Variants in SLC4A7 observed in about 807,000 individuals in gnomAD.
The protein encoded by SLC4A7 is sodium bicarbonate cotransporter 3.
In SLC4A7, 51 loss-of-function variants were observed where a neutral mutation model predicts 137.6. That is an observed-to-expected ratio of 0.37 (90% CI 0.30 to 0.47). The LOEUF is 0.47. Ranked by LOEUF, SLC4A7 falls within the 20% of genes least tolerant of loss-of-function variation. The probability of loss-of-function intolerance (pLI) is 1.00; values close to 1 mark genes in which losing one functional copy is unlikely to be tolerated. For missense variants in SLC4A7, 1,247 were observed against 1,525.4 expected, an observed-to-expected ratio of 0.82 and a Z score of 3.04; for synonymous variants, 542 against 518.6, an observed-to-expected ratio of 1.05 and a Z score of -0.61.
chr3:27,474,399 A>T (rs1288730515), intron 1 of SLC4A7, among the ~76,000 whole-genome samples: 3 of 152,224 alleles, frequency 2.0e-5, no homozygotes, highest in African/African-American at 7.2e-5. Flanking sequence ...TATTCTTAAA[A>T]GGAGAGATAT....
intron 1 of SLC4A7, among the ~76,000 whole-genome samples, chr3:27,464,321 T>C (rs2058857156): frequency 6.6e-6 from 1 of 152,216 alleles, no homozygotes; most frequent in Admixed American, 6.5e-5. Flanking sequence ...TCTAGAGAGA[T>C]TAAAGATCTA....
chr3:27,407,890 A>G (rs1391609644), intron 13 of SLC4A7, among the ~76,000 whole-genome samples: 5 of 151,764 alleles, frequency 3.3e-5, no homozygotes, highest in Admixed American at 3.3e-4. Context: ...ACGATTCCCA[A>G]TCTTTACATT....
chr3:27,386,583 T>C (rs750081299), intron 22 of SLC4A7, among the ~76,000 whole-genome samples: 13 of 152,168 alleles, frequency 8.5e-5, no homozygotes, highest in Non-Finnish European at 1.9e-4. Context: ...TTATGACTTT[T>C]GTTTATGCAT....
chr3:27,434,073 G>A lies in SLC4A7; in HGVS notation c.621C>T (p.Gly207=). 6.2e-7 allele frequency: 1 copy of A among 1,612,460 alleles called. No homozygotes were observed. Among genetic ancestry groups the A allele is most frequent in the South Asian group, 1.1e-5 (1 of 90,872 alleles). ...DMVLDNMIAS[G]QLDESIRENV... is the part of the protein sequence containing the mutation. ...TCTCTCGTATGGACTCGTCTAATTG[G>A]CCAGAAGCTATCATGTTGTCTAATA... The change falls in exon 6 of 26, where the codon GGC becomes GGT. Residue 207 remains glycine, a synonymous_variant. Transcript: ENST00000454389.
At chr3:27,436,722 A>C (rs2056766048) in intron 4 of SLC4A7, among the ~76,000 whole-genome samples, 174 bp from the exon 5 acceptor site, 1 of 152,062 alleles carries the variant, frequency 6.6e-6, no homozygotes, top group Admixed American at 6.6e-5. Flanking sequence ...TATAGTCACA[A>C]ATTTCCTTTG....
chr3:27,412,770 A>C (rs1175767823), intron 11 of SLC4A7, among the ~76,000 whole-genome samples: 1 of 152,166 alleles, frequency 6.6e-6, no homozygotes, highest in Non-Finnish European at 1.5e-5. Flanking sequence ...GAATTGATTA[A>C]AAATAATGGC....
chr3:27,420,748 T>G lies in SLC4A7; in HGVS notation c.1464A>C (p.Pro488=), dbSNP rs2054883586. The G allele has an allele frequency of 6.2e-7, 1 of 1,613,640 alleles. No homozygotes were observed. Among genetic ancestry groups the G allele is most frequent in the Non-Finnish European group, 8.5e-7 (1 of 1,179,798 alleles). Reference sequence around the variant, plus strand: ...TTGATCGTCCAATTTCATGGTACTGTGGTGCCTTGCCCGCTGGACCCAATA... The same window carrying G: ...TTGATCGTCCAATTTCATGGTACTGGGGTGCCTTGCCCGCTGGACCCAATA... ...FLLLGPAGKA[P]QYHEIGRSIA... is the part of the protein sequence containing the mutation. Residue 488 remains proline (P), a synonymous_variant, in exon 10 of 26, where the codon CCA becomes CCC. Coordinates refer to ENST00000454389, the MANE Select transcript of SLC4A7 (RefSeq NM_001321103.2).
chr3:27,448,853 T>G lies in SLC4A7; in HGVS notation c.143-56A>C, dbSNP rs1226986758. ...CTTTCCAAAAGAGAAAAAAGTGATA[T>G]ATACAAAAGTACTCCAAAATCTACT... is the stretch of plus-strand genomic sequence containing the variant. On this transcript the variant is annotated intron_variant, in intron 2 of 25. Coordinates refer to ENST00000454389, the MANE Select transcript of SLC4A7 (RefSeq NM_001321103.2). 4.5e-6 allele frequency: 6 copies of G among 1,319,126 alleles called. No individual in the cohort carries two copies. The African/African-American group carries it at 9.0e-5, about 20-fold the overall frequency. 81.7% of individuals were successfully genotyped at this position (1,319,126 alleles called of 1,614,324 possible). A position where few individuals can be genotyped will look rare whatever the true frequency, so the allele number is the denominator to read the frequency against.
intron 10 of SLC4A7, among the ~76,000 whole-genome samples, chr3:27,420,180 GAAAAGA>G (rs967291896): frequency 6.6e-6 from 1 of 151,276 alleles, no homozygotes; most frequent in Non-Finnish European, 1.5e-5. Flanking sequence ...AAAAAGAAAA[GAAAAGA>G]AAAAGAAAAA....
intron 1 of SLC4A7, among the ~76,000 whole-genome samples, chr3:27,470,230 T>G (rs1481027268): frequency 2.6e-5 from 4 of 151,964 alleles, no homozygotes; most frequent in Non-Finnish European, 5.9e-5. Flanking sequence ...GTAGATCTTT[T>G]TTTTTTTTTG....
chr3:27,448,552 G>A, intron 3 of SLC4A7, 99 bp downstream of exon 3: 1 of 912,690 alleles, frequency 1.1e-6, no homozygotes, highest in Non-Finnish European at 1.7e-6. Flanking sequence ...CTACATTAAT[G>A]CATACATACA....
chr3:27,421,265 C>A (rs2054944074), intron 9 of SLC4A7, among the ~76,000 whole-genome samples: 1 of 151,876 alleles, frequency 6.6e-6, no homozygotes, highest in African/African-American at 2.4e-5. Flanking sequence ...TTTGGGAGGC[C>A]AAGACAGGCA....
chr3:27,456,029 T>C (rs1173722963), intron 1 of SLC4A7, among the ~76,000 whole-genome samples: 1 of 151,828 alleles, frequency 6.6e-6, no homozygotes, highest in African/African-American at 2.4e-5. Flanking sequence ...TCATAGTTAT[T>C]TATCTTGCCT....
At chr3:27,391,921 C>G (rs996730845) in intron 20 of SLC4A7, 113 bp from the exon 21 acceptor site, 1 of 596,516 alleles carries the variant, frequency 1.7e-6, no homozygotes, top group Non-Finnish European at 2.9e-6. Context: ...GAGGATTAGA[C>G]CGACCTAACA....
intron 2 of SLC4A7, among the ~76,000 whole-genome samples, 180 bp downstream of exon 2, chr3:27,452,237 G>A (rs2058120286): frequency 6.6e-6 from 1 of 152,030 alleles, no homozygotes; most frequent in African/African-American, 2.4e-5. Flanking sequence ...ATTTTGAGAA[G>A]CATTATGAAC....
intron 1 of SLC4A7, chr3:27,456,669 A>G: frequency 6.2e-7 from 1 of 1,609,982 alleles, no homozygotes; most frequent in Non-Finnish European, 8.5e-7. Context: ...TCTTCTCCAG[A>G]CGAAATCTTT....
chr3:27,440,923 T>C (rs2057140487), intron 3 of SLC4A7, among the ~76,000 whole-genome samples: 1 of 151,898 alleles, frequency 6.6e-6, no homozygotes, highest in South Asian at 2.1e-4. Context: ...CAGAGGCCTG[T>C]ACTCCTAGCT....
intron 20 of SLC4A7, among the ~76,000 whole-genome samples, chr3:27,393,937 T>C (rs1423234695): frequency 2.0e-5 from 3 of 152,192 alleles, no homozygotes; most frequent in Non-Finnish European, 4.4e-5. Context: ...TCCTTTATAC[T>C]CTTAAAAATT....
intron 11 of SLC4A7, among the ~76,000 whole-genome samples, chr3:27,413,056 C>T (rs2054059952): frequency 1.3e-5 from 2 of 152,014 alleles, no homozygotes; most frequent in Non-Finnish European, 2.9e-5. Flanking sequence ...TTGAAAAATA[C>T]AATAGACCTT....
Sources: gnomAD v4.1 joint callset for allele counts (sites outside exome capture counted in the v4.1 genomes callset) on GRCh38, gnomAD v4.1.1 for gene constraint, MANE v1.5 for transcripts, NCBI Gene and HGNC (gene_info 2026-07-23, HGNC 2026-07-21) for gene names.